MEGF6: variants seen among roughly 807,000 people sequenced by gnomAD.
MEGF6 encodes multiple epidermal growth factor-like domains protein 6.
A neutral mutation model predicts 207.1 loss-of-function variants in MEGF6; 184 were observed. The ratio of observed to expected loss-of-function variants is 0.89; its 90% CI spans 0.79 to 1.00. The LOEUF (loss-of-function observed/expected upper bound fraction) is 1.00. MEGF6 is among the 50% of genes least tolerant of loss of function. MEGF6 has a pLI of 0.00. For synonymous variants in MEGF6, 1,038 were observed against 910.0 expected (o/e 1.14, Z -2.53); for missense variants, 2,282 against 2,202.9 (o/e 1.04, Z -0.72).
chr1:3,570,953 G>A (rs551625926), intron 4 of MEGF6, among the ~76,000 whole-genome samples: 14 of 152,280 alleles, frequency 9.2e-5, no homozygotes, highest in Admixed American at 2.0e-4. Context: ...TGTGGCACAC[G>A]GGGACACACA....
chr1:3,570,185 C>A (rs1643457937), intron 4 of MEGF6, among the ~76,000 whole-genome samples: 1 of 152,064 alleles, frequency 6.6e-6, no homozygotes, highest in Admixed American at 6.5e-5. Flanking sequence ...CCGACTGTCA[C>A]GCAGGGACTG....
intron 3 of MEGF6, among the ~76,000 whole-genome samples, chr1:3,590,944 C>T (rs1570214018): frequency 6.8e-6 from 1 of 147,504 alleles, no homozygotes; most frequent in East Asian, 2.3e-4. Flanking sequence ...ACAGCGGTGC[C>T]CTGGTCTAGG....
Position 3,524,146 on chromosome 1 carries a change from G to A in MEGF6, c.582C>T (p.His194=), listed in dbSNP as rs1641870725. 1 of 1,612,512 alleles carries A rather than the reference G, an allele frequency of 6.2e-7. No individual in the cohort carries two copies. Among genetic ancestry groups the A allele is most frequent in the African/African-American group, 1.3e-5 (1 of 74,962 alleles). ...LCECKPGFRL[H]TDSRTCLAIN... ...CACCCAGGCAGGTCCTGCTGTCAGT[G>A]TGGAGCCGGAAGCCGGGCTTGCACT... The change falls in exon 5 of 37, where the codon CAC becomes CAT. Residue 194 remains histidine (H), a synonymous_variant. Coordinates refer to ENST00000356575, the MANE Select transcript of MEGF6 (RefSeq NM_001409.4).
At chr1:3,590,877 G>A (rs1015723956) in intron 3 of MEGF6, among the ~76,000 whole-genome samples, 9 of 152,150 alleles carry the variant, frequency 5.9e-5, no homozygotes, top group Admixed American at 1.3e-4. Context: ...TGTAAAGAGC[G>A]AGCATCTGTC....
At chr1:3,507,725 G>C in intron 14 of MEGF6, 70 bp downstream of exon 14, 1 of 1,594,534 alleles carries the variant, frequency 6.3e-7, no homozygotes, top group Non-Finnish European at 8.6e-7. Flanking sequence ...AGGACGTGGA[G>C]GGGTGGTGTC....
intron 5 of MEGF6, among the ~76,000 whole-genome samples, chr1:3,517,984 C>T (rs1247565602): frequency 1.3e-5 from 2 of 152,240 alleles, no homozygotes; most frequent in Non-Finnish European, 2.9e-5. Context: ...TTCCGCAATC[C>T]GGCCCGACAT....
intron 4 of MEGF6, among the ~76,000 whole-genome samples, chr1:3,566,627 G>A (rs1012000910): frequency 1.3e-5 from 2 of 152,164 alleles, no homozygotes; most frequent in South Asian, 4.1e-4. Flanking sequence ...GAGGGACCCC[G>A]GGGCCCTTCC....
chr1:3,497,026 G>T lies in MEGF6; in HGVS notation c.3575C>A (p.Ser1192Ter). ...PACHPATGTC[S>*]CAAGYHGPSC... ...GGGGCCGTGGTAGCCAGCAGCACAT[G>T]AGCAGGTCCCGGTGGCAGGGTGGCA... The change falls in exon 28 of 37, where the codon TCA becomes TAA. Residue 1192 changes from serine (S) to a stop codon, truncating the protein, a stop_gained. Transcript: ENST00000356575. LOFTEE classifies it high-confidence loss of function. 1 of 1,552,410 alleles carries T rather than the reference G, an allele frequency of 6.4e-7. No individual in the cohort carries two copies. The highest frequency in any genetic ancestry group is 1.2e-5 in the South Asian group (1 of 84,324).
intron 4 of MEGF6, chr1:3,531,022 A>G (rs1376896871): frequency 2.1e-6 from 3 of 1,432,974 alleles, no homozygotes; most frequent in East Asian, 2.9e-5. Flanking sequence ...AAACAAAGGG[A>G]GCGCGCCGGG....
In MEGF6 at chr1:3,565,392, C is replaced by T. The variant is rs919209810; in HGVS notation, c.481+14433G>A. The stretch of plus-strand genomic sequence containing the variant: ...AACCCCCCGGGTCCTGGTGCCTGCT[C>T]TGGCCTCTCAAGGCCACCAGGGGGT... On this transcript the variant is annotated intron_variant, in intron 4 of 36. Coordinates refer to ENST00000356575, the MANE Select transcript of MEGF6 (RefSeq NM_001409.4). The surrounding 1 kb of genome is among the most constrained non-coding windows in gnomAD (Gnocchi z 4.8). Among the ~76,000 whole-genome samples the T allele has an allele frequency of 6.6e-5, 10 of 152,232 alleles. No individual in the cohort carries two copies. The South Asian group carries it at 1.9e-3, about 28-fold the overall frequency.
At position 3,505,288 on chromosome 1, in the gene MEGF6, ACTGGGCAGGTGCATGC is replaced by A; in HGVS notation, c.2092_2107del (p.Ala698TrpfsTer8). On this transcript the variant is annotated frameshift_variant, in exon 17 of 37. Coordinates refer to ENST00000356575, the MANE Select transcript of MEGF6 (RefSeq NM_001409.4). LOFTEE classifies it high-confidence loss of function. ...GCTCACGGAGTCACAGGCCACGCCCACTGGGCAGGTGCATGCCTGCCAGCACCCCGGCCCAAAGTAG... is the reference window on the plus strand; with the variant it reads ...GCTCACGGAGTCACAGGCCACGCCCACTGCCAGCACCCCGGCCCAAAGTAG... The A allele has an allele frequency of 6.2e-7, 1 of 1,612,254 alleles. No homozygotes were observed.
intron 1 of MEGF6, among the ~76,000 whole-genome samples, chr1:3,610,423 C>T (rs1557435170): frequency 2.6e-5 from 4 of 152,194 alleles, no homozygotes. Flanking sequence ...CTCGCCCACC[C>T]ACCCCTGCCA....
intron 4 of MEGF6, chr1:3,531,266 G>T: frequency 7.3e-7 from 1 of 1,361,174 alleles, no homozygotes; most frequent in Non-Finnish European, 9.4e-7. Flanking sequence ...GCCGGCGGGC[G>T]GGAGGGGGCG....
rs188494142 is a variant in MEGF6, at chr1:3,541,793, G to A, written c.482-17547C>T. Among the ~76,000 whole-genome samples, 54 of 152,202 alleles carry A rather than the reference G, an allele frequency of 3.5e-4. 1 individual carries two copies. In the South Asian group the frequency reaches 5.6e-3, roughly 16 times the overall value. The stretch of plus-strand genomic sequence containing the variant: ...CGGGGATGGGTGGGAAGGGCAGAGC[G>A]ACAGACTCCCGGGCACAGGGGCTCC... On this transcript the variant is annotated intron_variant, in intron 4 of 36. Transcript: ENST00000356575.
At chr1:3,522,248 C>T (rs927383588) in intron 5 of MEGF6, among the ~76,000 whole-genome samples, 2 of 152,188 alleles carry the variant, frequency 1.3e-5, no homozygotes, top group African/African-American at 2.4e-5. Flanking sequence ...CAGGCTGGCA[C>T]GCAGGCGAGA....
At chr1:3,607,284 G>A (rs1352255543) in intron 1 of MEGF6, among the ~76,000 whole-genome samples, 1 of 149,440 alleles carries the variant, frequency 6.7e-6, no homozygotes, top group Non-Finnish European at 1.5e-5. Context: ...TCACTCTCCC[G>A]GCCCCTGCCC....
intron 1 of MEGF6, among the ~76,000 whole-genome samples, chr1:3,603,948 C>T (rs1405415019): frequency 6.6e-6 from 1 of 152,208 alleles, no homozygotes; most frequent in Non-Finnish European, 1.5e-5. Context: ...CAGCCCACCC[C>T]CTTGTGCTGA....
At chr1:3,604,930 C>T (rs570965251) in intron 1 of MEGF6, among the ~76,000 whole-genome samples, 1 of 152,074 alleles carries the variant, frequency 6.6e-6, no homozygotes, top group African/African-American at 2.4e-5. Context: ...TCCTGACCCC[C>T]AGACTACAGC....
At chr1:3,542,429 G>A (rs1449328723) in intron 4 of MEGF6, among the ~76,000 whole-genome samples, 1 of 152,116 alleles carries the variant, frequency 6.6e-6, no homozygotes, top group Non-Finnish European at 1.5e-5. Flanking sequence ...GGCTTGCATG[G>A]ACACCTGCCA....
Sources: allele counts gnomAD v4.1 joint callset (sites outside exome capture counted in the v4.1 genomes callset), GRCh38; gene constraint gnomAD v4.1.1; non-coding constraint Gnocchi (gnomAD v3.1); transcripts MANE v1.5; gene names NCBI Gene and HGNC (gene_info 2026-07-23, HGNC 2026-07-21).